Variants in MGA observed in about 807,000 individuals in gnomAD.
MGA encodes MAX dimerization protein MGA.
MGA carries 40 observed loss-of-function variants against 261.1 expected under a neutral mutation model. The observed-to-expected ratio is 0.15, with a 90% CI of 0.12 to 0.20. MGA has a LOEUF of 0.20. MGA is among the 10% of genes least tolerant of loss of function. MGA has a pLI of 1.00. For synonymous variants in MGA, 1,302 were observed against 1,290.6 expected, an observed-to-expected ratio of 1.01 and a Z score of -0.19; for missense variants, 3,397 against 3,630.5, an observed-to-expected ratio of 0.94 and a Z score of 1.65.
intron 2 of MGA, among the ~76,000 whole-genome samples, chr15:41,690,994 G>GTTTTTTTTTTTTTTTTTTTTTTTT (rs386382831): frequency 9.6e-6 from 1 of 104,346 alleles, no homozygotes; most frequent in Non-Finnish European, 1.9e-5. Flanking sequence ...AGATTGCTTT[G>GTTTTTTTTTTTTTTTTTTTTTTTT]TTTTTTTTTT....
chr15:41,635,808 A>G (rs1183098392), intron 1 of MGA, among the ~76,000 whole-genome samples: 1 of 152,238 alleles, frequency 6.6e-6, no homozygotes, highest in Non-Finnish European at 1.5e-5. Context: ...CATAAGGTTA[A>G]TGGAGCTGAA....
intron 11 of MGA, among the ~76,000 whole-genome samples, chr15:41,731,670 A>C (rs1305735401): frequency 6.6e-6 from 1 of 152,220 alleles, no homozygotes; most frequent in East Asian, 1.9e-4. Context: ...ATGAATAAAG[A>C]CACAAGAAAT....
chr15:41,637,776 GT>G, intron 1 of MGA, among the ~76,000 whole-genome samples: 1 of 151,730 alleles, frequency 6.6e-6, no homozygotes, highest in Non-Finnish European at 1.5e-5. Context: ...GCAGAGTCTT[GT>G]TCTGTTGCTC....
At chr15:41,635,679 G>A (rs1883742507) in intron 1 of MGA, among the ~76,000 whole-genome samples, 1 of 152,246 alleles carries the variant, frequency 6.6e-6, no homozygotes, top group African/African-American at 2.4e-5. Context: ...CTGGGTAACA[G>A]AGTGGGTGTC....
chr15:41,739,859 C>A (rs763713790), intron 13 of MGA, 47 bp from the exon 14 acceptor site: 2 of 1,568,976 alleles, frequency 1.3e-6, no homozygotes, highest in East Asian at 4.6e-5. Flanking sequence ...GAGGAGTTAG[C>A]AAGAGAATTT....
In MGA at chr15:41,639,463, C is replaced by T. The variant is rs570974930; in HGVS notation, c.-68+18165C>T. Among the ~76,000 whole-genome samples, 117 of 151,650 alleles carry T rather than the reference C, an allele frequency of 7.7e-4. 2 individuals are homozygous for T. Among genetic ancestry groups the T allele is most frequent in the African/African-American group, 2.6e-3 (107 of 41,456 alleles). ...TGGTTAATTCATAGAACCTTTAGGT[C>T]TGTTGGATCCCCCTATCTAATTAGC... On this transcript the variant is annotated intron_variant, in intron 1 of 8. Transcript: ENST00000566718.
At chr15:41,652,816 C>A (rs2057094917) in intron 1 of MGA, among the ~76,000 whole-genome samples, 1 of 151,726 alleles carries the variant, frequency 6.6e-6, no homozygotes, top group African/African-American at 2.4e-5. Flanking sequence ...TTTATTTATT[C>A]ATTTTCCCCA....
chr15:41,624,333 C>T (rs146259718), intron 1 of MGA, among the ~76,000 whole-genome samples: 10 of 152,066 alleles, frequency 6.6e-5, no homozygotes, highest in South Asian at 2.1e-4. Context: ...CTGCAACTTC[C>T]GCATCCCAGT....
intron 11 of MGA, among the ~76,000 whole-genome samples, chr15:41,732,016 CAT>C (rs1238811608): frequency 6.6e-6 from 1 of 152,088 alleles, no homozygotes; most frequent in Non-Finnish European, 1.5e-5. Context: ...CCATTGCACA[CAT>C]GAGGCAATAA....
At chr15:41,685,791 A>G (rs1395665727) in intron 2 of MGA, among the ~76,000 whole-genome samples, 1 of 151,686 alleles carries the variant, frequency 6.6e-6, no homozygotes, top group East Asian at 2.0e-4. Flanking sequence ...TCATGAGGTC[A>G]GGAGATGGAG....
intron 21 of MGA, 75 bp downstream of exon 21, chr15:41,761,925 C>G: frequency 8.4e-7 from 1 of 1,192,546 alleles, no homozygotes; most frequent in Admixed American, 2.5e-5. Flanking sequence ...GTAGATCTTT[C>G]AGATACTTAA....
chr15:41,741,344 T>TC (rs2062085064), intron 14 of MGA, among the ~76,000 whole-genome samples: 1 of 24,226 alleles, frequency 4.1e-5, no homozygotes, highest in Non-Finnish European at 7.1e-5. Flanking sequence ...AGACTCCATC[T>TC]CCAAAAAAAA....
chr15:41,655,833 G>C (rs1214840442), upstream of MGA, among the ~76,000 whole-genome samples: 1 of 152,140 alleles, frequency 6.6e-6, no homozygotes, highest in East Asian at 1.9e-4. Context: ...GTTTGCCAAA[G>C]CCAGGGATAT....
At chr15:41,638,793 T>G (rs1224004394) in intron 1 of MGA, among the ~76,000 whole-genome samples, 1 of 150,232 alleles carries the variant, frequency 6.7e-6, no homozygotes, top group Admixed American at 6.7e-5. Flanking sequence ...TGAGTTTGAG[T>G]GATTCTCCTA....
Position 41,696,613 on chromosome 15 carries a change from C to T in MGA, c.1603C>T (p.Pro535Ser). Residue 535 changes from proline (P) to serine (S), a missense_variant, in exon 3 of 24, where the codon CCA becomes TCA. Around this residue, in one of 9 missense-constraint regions of MGA, gnomAD observed 563 missense variants for 563.6 expected, o/e 1.00. Transcript: ENST00000219905. ...AGAAAATGGTCTTAGAAAACATTCA[C>T]CAGATCTCAGAGTGGTACAAAAATA... 3 of 1,613,830 alleles carry T rather than the reference C, an allele frequency of 1.9e-6. No homozygotes were observed. The highest frequency in any genetic ancestry group is 2.5e-6 in the Non-Finnish European group (3 of 1,179,826).
chr15:41,732,566 G>T (rs1008215058), intron 11 of MGA, among the ~76,000 whole-genome samples: 2 of 152,164 alleles, frequency 1.3e-5, no homozygotes, highest in Non-Finnish European at 2.9e-5. Flanking sequence ...TAAATTTTTA[G>T]ATAACCAAGT....
intron 1 of MGA, among the ~76,000 whole-genome samples, chr15:41,627,913 A>G (rs991635390): frequency 6.6e-6 from 1 of 152,238 alleles, no homozygotes. Flanking sequence ...TAGTAGGATG[A>G]AAATACAAAT....
rs765943726 is a variant in MGA at position 41,736,457 on chromosome 15, C to G, written c.4193C>G (p.Ser1398Cys). ...GTTTATTCTTCTCGTGTGAAAATCT[C>G]TATGCCATCATGTCAAGACCAAGAT... The change falls in exon 13 of 24, where the codon TCT (serine) becomes TGT (cysteine). Residue 1398 changes from serine to cysteine, a missense_variant. Ser to Cys is a moderately radical substitution (Grantham distance 112). Coordinates refer to ENST00000219905, the MANE Select transcript of MGA (RefSeq NM_001164273.2). The G allele has an allele frequency of 1.2e-6, 2 of 1,614,026 alleles. No individual in the cohort carries two copies. Among genetic ancestry groups the G allele is most frequent in the Non-Finnish European group, 1.7e-6 (2 of 1,179,898 alleles).
chr15:41,729,869 T>C (rs535635132), intron 11 of MGA, among the ~76,000 whole-genome samples: 1 of 152,166 alleles, frequency 6.6e-6, no homozygotes, highest in East Asian at 1.9e-4. Flanking sequence ...CTTTTTCTTT[T>C]CTTTTTTGTT....
Sources: allele counts gnomAD v4.1 joint callset (sites outside exome capture counted in the v4.1 genomes callset), GRCh38; gene constraint gnomAD v4.1.1; regional missense constraint gnomAD v4.1.1; transcripts MANE v1.5; gene names NCBI Gene and HGNC (gene_info 2026-07-23, HGNC 2026-07-21).